The following KCNQ5 variants were observed in gnomAD, a reference collection of about 807,000 sequenced individuals.
KCNQ5 encodes potassium voltage-gated channel subfamily Q member 5, also known as potassium voltage-gated channel subfamily KQT member 5.
Under a neutral mutation model 98.2 loss-of-function variants are expected in KCNQ5, and 30 were observed. The ratio of observed to expected loss-of-function variants is 0.31; its 90% CI spans 0.23 to 0.41. The LOEUF (loss-of-function observed/expected upper bound fraction) is 0.41. Among genes scored for constraint, KCNQ5 ranks in the 10% least tolerant of loss-of-function variants. The pLI is 1.00. For synonymous variants in KCNQ5, 458 were observed against 449.4 expected (o/e 1.02, Z -0.24); for missense variants, 835 against 1,182.5 (o/e 0.71, Z 4.31).
At chr6:73,134,813 A>T (rs1212434352) in intron 10 of KCNQ5, 1 of 152,312 alleles carries the variant, frequency 6.6e-6, no homozygotes, top group Non-Finnish European at 1.5e-5. Context: ...TAAGGAAGGA[A>T]AAACCTCCGC....
At chr6:72,893,254 C>A (rs1779123041) in intron 1 of KCNQ5, among the ~76,000 whole-genome samples, 1 of 152,090 alleles carries the variant, frequency 6.6e-6, no homozygotes, top group Non-Finnish European at 1.5e-5. Context: ...CTGTCCCAGG[C>A]TGCATTGAGA....
At chr6:72,861,047 T>G (rs764771539) in intron 1 of KCNQ5, among the ~76,000 whole-genome samples, 46 of 152,128 alleles carry the variant, frequency 3.0e-4, no homozygotes, top group Non-Finnish European at 5.4e-4. Flanking sequence ...AGCTCATATT[T>G]TTTAAGATAG....
chr6:72,646,549 A>G (rs1411887719), intron 1 of KCNQ5, among the ~76,000 whole-genome samples: 6 of 152,180 alleles, frequency 3.9e-5, no homozygotes, highest in Non-Finnish European at 8.8e-5. Context: ...ATTGGTCTAC[A>G]TAGTTTACTG....
At chr6:72,843,559 TAA>T (rs1776895018) in intron 1 of KCNQ5, among the ~76,000 whole-genome samples, 1 of 152,184 alleles carries the variant, frequency 6.6e-6, no homozygotes, top group Admixed American at 6.5e-5. Context: ...ATTGAATCTA[TAA>T]GTTACTTTGG....
chr6:73,134,022 T>C (rs182041508), intron 10 of KCNQ5: 7 of 474,510 alleles, frequency 1.5e-5, no homozygotes, highest in African/African-American at 9.9e-5. Context: ...GCTTGCTCTG[T>C]GAATATCTTG....
At chr6:72,966,627 T>A (rs1767628629) in intron 1 of KCNQ5, among the ~76,000 whole-genome samples, 2 of 152,060 alleles carry the variant, frequency 1.3e-5, no homozygotes, top group Admixed American at 6.6e-5. Context: ...TTGAAAGGTA[T>A]CCTCTTAAAT....
chr6:73,055,000 T>C, intron 3 of KCNQ5: 1 of 460,574 alleles, frequency 2.2e-6, no homozygotes, highest in Non-Finnish European at 4.0e-6. Flanking sequence ...AGCTTCAGGA[T>C]ACAAAGTCAA....
chr6:72,763,587 A>T (rs182407570), intron 1 of KCNQ5, among the ~76,000 whole-genome samples: 18 of 152,154 alleles, frequency 1.2e-4, no homozygotes, highest in Admixed American at 2.6e-4. Context: ...CTAATACCTT[A>T]GTATTTGAAA....
chr6:73,118,371 T>C (rs1775594771), intron 7 of KCNQ5, among the ~76,000 whole-genome samples: 1 of 152,236 alleles, frequency 6.6e-6, no homozygotes. Flanking sequence ...AGTATTGTAC[T>C]ATGTAAATGG....
chr6:72,753,120 A>G (rs1771770368), intron 1 of KCNQ5, among the ~76,000 whole-genome samples: 2 of 152,106 alleles, frequency 1.3e-5, no homozygotes, highest in South Asian at 4.1e-4. Flanking sequence ...TTCCCTTGGT[A>G]CTAGTTTCTG....
rs550177134 is a variant in KCNQ5, at chr6:73,176,715, A to G, written c.1577+6861A>G. On this transcript the variant is annotated intron_variant, in intron 11 of 13. Coordinates refer to ENST00000370398, the MANE Select transcript of KCNQ5 (RefSeq NM_019842.4). Reference sequence around the variant, plus strand: ...ATTGGAGAGGATGGAGGGAAAGAACAGGAGGAATCAAGGATGGCATATCTG... The same window carrying G: ...ATTGGAGAGGATGGAGGGAAAGAACGGGAGGAATCAAGGATGGCATATCTG... Among the ~76,000 whole-genome samples, 18 of 152,278 alleles carry G rather than the reference A, an allele frequency of 1.2e-4. No individual in the cohort carries two copies. In the East Asian group the frequency reaches 3.1e-3, roughly 26 times the overall value.
chr6:73,057,704 T>C (rs1772585813), intron 3 of KCNQ5, among the ~76,000 whole-genome samples: 1 of 152,152 alleles, frequency 6.6e-6, no homozygotes, highest in Admixed American at 6.5e-5. Flanking sequence ...TTCAGTGCTA[T>C]TCCTATCAAA....
intron 9 of KCNQ5, among the ~76,000 whole-genome samples, chr6:73,125,145 C>T (rs530912993): frequency 6.6e-6 from 1 of 150,938 alleles, no homozygotes; most frequent in African/African-American, 2.4e-5. Flanking sequence ...ACTCAAGTGA[C>T]TCAAAGAGCC....
intron 10 of KCNQ5, among the ~76,000 whole-genome samples, chr6:73,139,117 T>G (rs1776602286): frequency 6.6e-6 from 1 of 152,228 alleles, no homozygotes. Flanking sequence ...GGAAGCAAAA[T>G]GGCTACAGCA....
At chr6:72,956,489 C>A (rs372350573) in intron 1 of KCNQ5, among the ~76,000 whole-genome samples, 1 of 112,010 alleles carries the variant, frequency 8.9e-6, no homozygotes. Context: ...TTTCTTTTTT[C>A]TTTTTTTTTT....
At chr6:73,063,686 T>TAGATGATAGATAGATAGATAGATA (rs55995543) in intron 3 of KCNQ5, among the ~76,000 whole-genome samples, 2 of 93,244 alleles carry the variant, frequency 2.1e-5, no homozygotes, top group South Asian at 4.6e-4. Flanking sequence ...GATAGATAGA[T>TAGATGATAGATAGATAGATAGATA]GATAGATAGA....
intron 1 of KCNQ5, among the ~76,000 whole-genome samples, chr6:72,705,103 T>G (rs1210723758): frequency 6.6e-6 from 1 of 152,186 alleles, no homozygotes; most frequent in Non-Finnish European, 1.5e-5. Context: ...ATGCTTTCCT[T>G]GGTGTTCAGT....
At chr6:73,192,821 A>G (rs1480747074) in intron 13 of KCNQ5, 130 bp downstream of exon 13, 5 of 853,308 alleles carry the variant, frequency 5.9e-6, no homozygotes, top group Admixed American at 3.8e-5. Context: ...AATAAAATTA[A>G]ATTTTCTTTG....
chr6:72,802,100 G>A (rs1187467223), intron 1 of KCNQ5, among the ~76,000 whole-genome samples: 2 of 151,892 alleles, frequency 1.3e-5, no homozygotes, highest in African/African-American at 2.4e-5. Flanking sequence ...TGACAATTAT[G>A]TGTCTTGGAG....
Sources: gnomAD v4.1 joint callset for allele counts (sites outside exome capture counted in the v4.1 genomes callset) on GRCh38, gnomAD v4.1.1 for gene constraint, MANE v1.5 for transcripts, NCBI Gene and HGNC (gene_info 2026-07-23, HGNC 2026-07-21) for gene names.